NATD1: variants seen among roughly 807,000 people sequenced by gnomAD.
The protein encoded by NATD1 is protein NATD1.
NATD1 carries 9 observed loss-of-function variants against 12.0 expected under a neutral mutation model. The ratio of observed to expected loss-of-function variants is 0.75; its 90% CI spans 0.45 to 1.30. The LOEUF is 1.30. NATD1 is among the 50% of genes most tolerant of loss of function. The pLI, the probability that NATD1 is intolerant of heterozygous loss-of-function variation, is 0.00. For synonymous variants in NATD1, 71 were observed against 65.9 expected (o/e 1.08, Z -0.37); for missense variants, 148 against 148.5 (o/e 1.00, Z 0.02).
In NATD1 at chr17:21,253,305, G is replaced by A; in HGVS notation, c.-41C>T. The A allele has an allele frequency of 1.1e-6, 1 of 899,060 alleles. No homozygotes were observed. Among genetic ancestry groups the A allele is most frequent in the Non-Finnish European group, 1.3e-6 (1 of 752,220 alleles). 55.7% of individuals were successfully genotyped at this position (899,060 alleles called of 1,614,324 possible). A position where few individuals can be genotyped will look rare whatever the true frequency, so the allele number is the denominator to read the frequency against. On this transcript the variant is annotated 5_prime_UTR_variant, in exon 1 of 3. Transcript: ENST00000611551. ...CGGCGCGGCGCCGGCGGGGGCCGGG[G>A]CGCGCGGGGAAAGGTCAGGCGCGCG... is the stretch of plus-strand genomic sequence containing the variant.
intron 1 of NATD1, among the ~76,000 whole-genome samples, chr17:21,252,485 T>C (rs1218950853): frequency 1.3e-5 from 2 of 152,178 alleles, no homozygotes; most frequent in Non-Finnish European, 2.9e-5. Flanking sequence ...GCACTGGTAT[T>C]ATTCCCATTG....
intron 1 of NATD1, among the ~76,000 whole-genome samples, chr17:21,251,534 A>G (rs1031381989): frequency 3.9e-5 from 6 of 152,104 alleles, no homozygotes; most frequent in Non-Finnish European, 5.9e-5. Context: ...TGGTTGGGCC[A>G]ATGGTGAAGT....
rs1484578111 is a variant in NATD1, at chr17:21,240,319, G to A, written c.*2994C>T. 6.6e-6 allele frequency: 1 copy of A among 152,310 alleles called. No homozygotes were observed. Among genetic ancestry groups the A allele is most frequent in the Non-Finnish European group, 1.5e-5 (1 of 68,116 alleles). 9.4% of individuals were successfully genotyped at this position (152,310 alleles called of 1,614,324 possible). A position where few individuals can be genotyped will look rare whatever the true frequency, so the allele number is the denominator to read the frequency against. Reference sequence around the variant, plus strand: ...CAGGGTCTCGCTCTCCACGCTGAAGGCTGTGCTGAGGGCTGAGCAAAAAGA... The same window carrying A: ...CAGGGTCTCGCTCTCCACGCTGAAGACTGTGCTGAGGGCTGAGCAAAAAGA... On this transcript the variant is annotated 3_prime_UTR_variant, in exon 3 of 3. Transcript: ENST00000611551.
At chr17:21,250,834 A>T (rs1567646421) in intron 1 of NATD1, among the ~76,000 whole-genome samples, 2 of 152,138 alleles carry the variant, frequency 1.3e-5, no homozygotes. Flanking sequence ...TGGACAGCCT[A>T]GGAACACTTC....
Position 21,243,972 on chromosome 17 carries a change from C to T in NATD1, c.225+134G>A, listed in dbSNP as rs1042434988. 79 of 714,312 alleles carry T rather than the reference C, an allele frequency of 1.1e-4. No individual in the cohort carries two copies. The East Asian group carries it at 1.2e-3, about 11-fold the overall frequency. 44.2% of individuals were successfully genotyped at this position (714,312 alleles called of 1,614,324 possible). On this transcript the variant is annotated intron_variant, in intron 2 of 2. Coordinates refer to ENST00000611551, the MANE Select transcript of NATD1 (RefSeq NM_152914.3). The stretch of plus-strand genomic sequence containing the variant: ...GAACAGGAGCCTGGGCCCAGAAAGG[C>T]GGCCACTGGCCCAGAGAGGACCCAG...
At position 21,244,723 on chromosome 17, in the gene NATD1, G is replaced by C. The variant is rs1975310764; in HGVS notation, c.107-499C>G. ...ACCCTGAGAGAGACGCAGCAGGAAA[G>C]ATCAGAGGCCTGTGGTAGAGTTCAT... On this transcript the variant is annotated intron_variant, in intron 1 of 2. Coordinates refer to ENST00000611551, the MANE Select transcript of NATD1 (RefSeq NM_152914.3). The surrounding 1 kb of genome is among the most constrained non-coding windows in gnomAD (Gnocchi z 5.2). Among the ~76,000 whole-genome samples, 1 of 152,232 alleles carries C rather than the reference G, an allele frequency of 6.6e-6. No individual in the cohort carries two copies. Among genetic ancestry groups the C allele is most frequent in the South Asian group, 2.1e-4 (1 of 4,836 alleles).
rs370128609 is a variant in NATD1 at position 21,245,926 on chromosome 17, G to A, written c.107-1702C>T. The stretch of plus-strand genomic sequence containing the variant: ...CCAAGGCCCAGCTGTGGCCACTGCC[G>A]CCTGTCCTGGCTGCACAGCAAGGGA... On this transcript the variant is annotated intron_variant, in intron 1 of 2. Coordinates refer to ENST00000611551, the MANE Select transcript of NATD1 (RefSeq NM_152914.3). 2.2e-3 allele frequency among the ~76,000 whole-genome samples: 332 copies of A among 152,326 alleles called. 6 individuals are homozygous for A. The highest frequency in any genetic ancestry group is 3.4e-3 in the Middle Eastern group (1 of 294).
chr17:21,252,849 G>A (rs1241891219), intron 1 of NATD1, among the ~76,000 whole-genome samples: 3 of 152,012 alleles, frequency 2.0e-5, no homozygotes, highest in African/African-American at 4.8e-5. Flanking sequence ...CCCAGCTCCT[G>A]CCTCTGCCTT....
rs1044872 is a variant in NATD1 at position 21,239,871 on chromosome 17, T to A, written c.*3442A>T. ...ACCCCTAGTGGTAACTAGGAGAAAT[T>A]GTCCTCCAGCAGTCTGTCCCCTCCC... On this transcript the variant is annotated 3_prime_UTR_variant, in exon 3 of 3. Coordinates refer to ENST00000611551, the MANE Select transcript of NATD1 (RefSeq NM_152914.3). 1 of 152,232 alleles carries A rather than the reference T, an allele frequency of 6.6e-6. No homozygotes were observed. The highest frequency in any genetic ancestry group is 2.4e-5 in the African/African-American group (1 of 41,466). The allele number at this position is 152,232 out of a possible 1,614,324, so 9.4% of individuals were successfully genotyped here.
chr17:21,253,035 T>G (rs1172047888), intron 1 of NATD1, 124 bp downstream of exon 1: 3 of 384,044 alleles, frequency 7.8e-6, no homozygotes, highest in Admixed American at 6.5e-5. Flanking sequence ...GCAACAGCCT[T>G]CCCGGGCGGC....
chr17:21,253,234 C>G lies in NATD1; in HGVS notation c.31G>C (p.Gly11Arg). Reference protein sequence around the residue: MAHSAAAVPLGALEQGCPIRV... With the variant: MAHSAAAVPLRALEQGCPIRV... ...ATGGGGCAGCCCTGCTCCAGCGCGC[C>G]CAGCGGCACGGCGGCAGCCGAGTGC... is the stretch of plus-strand genomic sequence containing the variant. Residue 11 changes from glycine (G) to arginine (R), a missense_variant, in exon 1 of 3, where the codon GGC becomes CGC. Transcript: ENST00000611551. 1.0e-6 allele frequency: 1 copy of G among 1,001,680 alleles called. No homozygotes were observed. Among genetic ancestry groups the G allele is most frequent in the South Asian group, 4.5e-5 (1 of 22,308 alleles). 62.0% of individuals were successfully genotyped at this position (1,001,680 alleles called of 1,614,324 possible).
intron 2 of NATD1, among the ~76,000 whole-genome samples, 184 bp downstream of exon 2, chr17:21,243,922 G>T (rs922539239): frequency 1.3e-5 from 2 of 152,178 alleles, no homozygotes; most frequent in African/African-American, 4.8e-5. Context: ...GGATCTTGGA[G>T]GCTCAGCCAC....
rs551244505 is a variant in NATD1 at position 21,246,468 on chromosome 17, C to T, written c.107-2244G>A. Among the ~76,000 whole-genome samples the T allele has an allele frequency of 7.4e-5, 11 of 149,598 alleles. No individual in the cohort carries two copies. The South Asian group carries it at 1.7e-3, about 23-fold the overall frequency. On this transcript the variant is annotated intron_variant, in intron 1 of 2. Coordinates refer to ENST00000611551, the MANE Select transcript of NATD1 (RefSeq NM_152914.3). ...GGCAGAGGTTGCAGTGAGCTGAGAC[C>T]GCATCATTGCACTCCAGGCTGGGCA... is the stretch of plus-strand genomic sequence containing the variant.
intron 1 of NATD1, among the ~76,000 whole-genome samples, chr17:21,247,956 G>A (rs1019166033): frequency 6.6e-6 from 1 of 152,114 alleles, no homozygotes; most frequent in Non-Finnish European, 1.5e-5. Context: ...TGGAATGAGA[G>A]TCACGGAGGT....
At position 21,242,241 on chromosome 17, in the gene NATD1, A is replaced by C. The variant is rs916237007; in HGVS notation, c.*1072T>G. ...AAGGCTGGTCCCACCAAAGCATGCT[A>C]GTGTGTCTCCCAGGCTGCACCCAGG... On this transcript the variant is annotated 3_prime_UTR_variant, in exon 3 of 3. Coordinates refer to ENST00000611551, the MANE Select transcript of NATD1 (RefSeq NM_152914.3). 2 of 152,326 alleles carry C rather than the reference A, an allele frequency of 1.3e-5. No individual in the cohort carries two copies. The highest frequency in any genetic ancestry group is 4.8e-5 in the African/African-American group (2 of 41,464). 9.4% of individuals were successfully genotyped at this position (152,326 alleles called of 1,614,324 possible). A position where few individuals can be genotyped will look rare whatever the true frequency, so the allele number is the denominator to read the frequency against.
intron 1 of NATD1, among the ~76,000 whole-genome samples, chr17:21,248,482 T>C (rs1183485359): frequency 6.6e-6 from 1 of 152,172 alleles, no homozygotes; most frequent in Admixed American, 6.5e-5. Flanking sequence ...GCCTGTCACC[T>C]TTCTGCCCAG....
rs976580768 is a variant in NATD1 at position 21,244,101 on chromosome 17, C to T, written c.225+5G>A. The T allele has an allele frequency of 6.2e-7, 1 of 1,608,350 alleles. No homozygotes were observed. Among genetic ancestry groups the T allele is most frequent in the Non-Finnish European group, 8.5e-7 (1 of 1,177,196 alleles). The stretch of plus-strand genomic sequence containing the variant: ...CCGCTTGGCCCTGCCACCTGCCTGC[C>T]CTACCTTGGCAAGGTGCTTGGCGAT... On this transcript the variant is annotated splice_donor_5th_base_variant and intron_variant, in intron 2 of 2. Transcript: ENST00000611551. The surrounding 1 kb of genome is among the most constrained non-coding windows in gnomAD (Gnocchi z 5.2).
intron 1 of NATD1, among the ~76,000 whole-genome samples, chr17:21,246,422 G>C (rs1440145881): frequency 2.6e-5 from 4 of 151,390 alleles, no homozygotes; most frequent in Admixed American, 2.0e-4. Flanking sequence ...GCTGAGGCAG[G>C]AGAATCACTT....
chr17:21,244,123 C>T lies in NATD1; in HGVS notation c.208G>A (p.Ala70Thr), dbSNP rs369910974. Residue 70 changes from alanine (A) to threonine (T), a missense_variant, in exon 2 of 3, where the codon GCC (alanine) becomes ACC (threonine). Physicochemically the swap from Ala to Thr is moderately conservative, Grantham distance 58 (BLOSUM62 0). Transcript: ENST00000611551. This position sits in a 1 kb window ranked among gnomAD's most constrained non-coding sequence, Gnocchi z 5.2. Reference protein sequence around the residue: ...VPDAYRGRGIAKHLAKAALDF... With the variant: ...VPDAYRGRGITKHLAKAALDF... ...TGCCCTACCTTGGCAAGGTGCTTGG[C>T]GATGCCACGCCCACGGTAGGCATCT... is the stretch of plus-strand genomic sequence containing the variant. 8.1e-5 allele frequency: 131 copies of T among 1,612,140 alleles called. No homozygotes were observed. The Middle Eastern group carries it at 9.9e-4, about 12-fold the overall frequency.
Sources: allele counts gnomAD v4.1 joint callset (sites outside exome capture counted in the v4.1 genomes callset), GRCh38; gene constraint gnomAD v4.1.1; non-coding constraint Gnocchi (gnomAD v3.1); transcripts MANE v1.5; gene names NCBI Gene and HGNC (gene_info 2026-07-23, HGNC 2026-07-21).